Variants in NEK4 observed in about 807,000 individuals in gnomAD.
NEK4 encodes NIMA related kinase 4.
NEK4 carries 86 observed loss-of-function variants against 98.4 expected under a neutral mutation model. The observed-to-expected ratio is 0.87, with a 90% confidence interval of 0.73 to 1.05. NEK4 has a LOEUF of 1.05. Among genes scored for constraint, NEK4 ranks in the 50% least tolerant of loss-of-function variants. NEK4 has a pLI of 0.00. For synonymous variants in NEK4, 328 were observed against 342.2 expected, an observed-to-expected ratio of 0.96 and a Z score of 0.46; for missense variants, 898 against 950.3, an observed-to-expected ratio of 0.94 and a Z score of 0.72.
intron 5 of NEK4, among the ~76,000 whole-genome samples, chr3:52,762,370 T>A (rs186892674): frequency 5.9e-5 from 9 of 152,320 alleles, no homozygotes; most frequent in Non-Finnish European, 7.3e-5. Flanking sequence ...CCTCTTTTTT[T>A]TTATTATTAT....
chr3:52,724,272 AAAAGAC>A (rs963356844), intron 15 of NEK4, among the ~76,000 whole-genome samples: 7 of 110,288 alleles, frequency 6.3e-5, no homozygotes, highest in Admixed American at 3.7e-4. Flanking sequence ...CAAAACTGTC[AAAAGAC>A]AAAGACAAAG....
At position 52,728,050 on chromosome 3, in the gene NEK4, T is replaced by C. The variant is rs768368184; in HGVS notation, c.2433+9536A>G. On this transcript the variant is annotated intron_variant, in intron 15 of 15. Transcript: ENST00000233027. ...GAGTTCCAGACCAGCCTGGGCAATA[T>C]AGACAGACCTTGTTTCTACAAAAAA... Among the ~76,000 whole-genome samples, 7 of 152,196 alleles carry C rather than the reference T, an allele frequency of 4.6e-5. No homozygotes were observed. In the South Asian group the frequency reaches 6.2e-4, roughly 14 times the overall value.
At position 52,739,623 on chromosome 3, in the gene NEK4, GTCT is replaced by G; in HGVS notation, c.2102_2104del (p.Gln701_Thr702delinsPro). The G allele has an allele frequency of 6.2e-7, 1 of 1,613,080 alleles. No homozygotes were observed. Among genetic ancestry groups the G allele is most frequent in the Non-Finnish European group, 8.5e-7 (1 of 1,179,188 alleles). On this transcript the variant is annotated inframe_deletion, in exon 14 of 16. Coordinates refer to ENST00000233027, the MANE Select transcript of NEK4 (RefSeq NM_003157.6). The stretch of plus-strand genomic sequence containing the variant: ...TTGTACCAAGGCATTAATTTCATTT[GTCT>G]GACCTTTCCTGGGGGAAAAAAATAT...
At chr3:52,719,387 C>G (rs1361060807) in intron 15 of NEK4, among the ~76,000 whole-genome samples, 8 of 152,046 alleles carry the variant, frequency 5.3e-5, no homozygotes, top group Admixed American at 3.3e-4. Context: ...AGTACAAGAC[C>G]AGCCTGACCA....
chr3:52,751,731 C>T (rs750600061), intron 7 of NEK4, among the ~76,000 whole-genome samples: 23 of 152,062 alleles, frequency 1.5e-4, no homozygotes, highest in Non-Finnish European at 2.6e-4. Context: ...AATGTTGCCA[C>T]GAGTTGTGGG....
At chr3:52,743,537 A>G in intron 11 of NEK4, 76 bp from the exon 12 acceptor site, 2 of 1,097,556 alleles carry the variant, frequency 1.8e-6, no homozygotes. Flanking sequence ...TTTGGTATGG[A>G]ACATACCCCA....
At chr3:52,731,936 A>G (rs2097370131) in intron 15 of NEK4, among the ~76,000 whole-genome samples, 1 of 152,070 alleles carries the variant, frequency 6.6e-6, no homozygotes, top group Non-Finnish European at 1.5e-5. Flanking sequence ...GTCTCACGAG[A>G]TCTGACGGTT....
intron 12 of NEK4, among the ~76,000 whole-genome samples, chr3:52,742,849 G>C (rs1412464426): frequency 1.3e-5 from 2 of 152,128 alleles, no homozygotes; most frequent in African/African-American, 4.8e-5. Context: ...AAGCACAGTG[G>C]TGTGAACACA....
intron 7 of NEK4, among the ~76,000 whole-genome samples, chr3:52,751,176 C>A (rs1348072325): frequency 2.0e-5 from 3 of 152,098 alleles, no homozygotes; most frequent in African/African-American, 7.2e-5. Context: ...CGGGCATCGG[C>A]CGAGTGCGGT....
intron 15 of NEK4, among the ~76,000 whole-genome samples, chr3:52,712,908 T>A (rs901298891): frequency 2.0e-5 from 3 of 152,148 alleles, no homozygotes; most frequent in Non-Finnish European, 4.4e-5. Flanking sequence ...TCTCCGGGGT[T>A]TTTATAGGCA....
At chr3:52,724,229 T>TG (rs2097362486) in intron 15 of NEK4, among the ~76,000 whole-genome samples, 1 of 72,836 alleles carries the variant, frequency 1.4e-5, no homozygotes, top group Non-Finnish European at 2.9e-5. Context: ...GACTTTGTCT[T>TG]AAAACACACA....
chr3:52,735,248 C>A (rs2097374308), intron 15 of NEK4, among the ~76,000 whole-genome samples: 1 of 152,206 alleles, frequency 6.6e-6, no homozygotes, highest in Admixed American at 6.5e-5. Context: ...CAGTTATCTT[C>A]AAAAACATCA....
At position 52,741,499 on chromosome 3, in the gene NEK4, C is replaced by G. The variant is rs2097386166; in HGVS notation, c.2005G>C (p.Glu669Gln). The stretch of plus-strand genomic sequence containing the variant: ...GACAGACAATGAATCTGTTTCCTTT[C>G]CTATTAAATGTTTGGAAGAATTAAA... Reference protein sequence around the residue: ...RLSSDCSVTQERKQIHCLSED... With the variant: ...RLSSDCSVTQQRKQIHCLSED... Residue 669 changes from glutamate (E) to glutamine (Q), a missense_variant and splice_region_variant, in exon 13 of 16, where the codon GAA becomes CAA. By Grantham distance (29) the Glu-to-Gln change is conservative. Transcript: ENST00000233027. The G allele has an allele frequency of 6.3e-7, 1 of 1,588,674 alleles. No homozygotes were observed. The highest frequency in any genetic ancestry group is 1.3e-5 in the African/African-American group (1 of 74,402).
chr3:52,709,898 G>A lies in NEK4; in HGVS notation c.*1879C>T, dbSNP rs1473287620. 1.3e-5 allele frequency: 2 copies of A among 152,162 alleles called. No homozygotes were observed. The highest frequency in any genetic ancestry group is 4.8e-5 in the African/African-American group (2 of 41,426). The allele number at this position is 152,162 out of a possible 1,614,324, so 9.4% of individuals were successfully genotyped here. On this transcript the variant is annotated 3_prime_UTR_variant, in exon 16 of 16. Transcript: ENST00000233027. ...AAAGATTTGTTCCCAACTGGGCATT[G>A]GGACTTGATGGTTTTGCAAGTTGAG...
Position 52,741,403 on chromosome 3 carries a change from G to A in NEK4, c.2093+8C>T, listed in dbSNP as rs756680268. ...TTTATAAAGGGAGACAGAAAAACAA[G>A]AACTTACCCTTCCCCGTAATCCCCA... On this transcript the variant is annotated splice_region_variant and intron_variant, in intron 13 of 15. Transcript: ENST00000233027. The A allele has an allele frequency of 4.5e-6, 7 of 1,552,770 alleles. No individual in the cohort carries two copies. In the African/African-American group the frequency reaches 9.5e-5, roughly 21 times the overall value.
chr3:52,727,616 G>A (rs2097365733), intron 15 of NEK4, among the ~76,000 whole-genome samples: 2 of 152,150 alleles, frequency 1.3e-5, no homozygotes, highest in Non-Finnish European at 1.5e-5. Context: ...GGGATCACAG[G>A]TGCCCAACAC....
intron 15 of NEK4, among the ~76,000 whole-genome samples, chr3:52,720,191 A>T (rs2154102151): frequency 6.6e-6 from 1 of 152,176 alleles, no homozygotes; most frequent in East Asian, 1.9e-4. Flanking sequence ...GCTGAAGCAG[A>T]TGAGTAGCTA....
intron 15 of NEK4, chr3:52,732,616 A>G (rs2097370962): frequency 2.0e-5 from 6 of 304,838 alleles, no homozygotes; most frequent in East Asian, 9.1e-5. Flanking sequence ...GGATGTGGCT[A>G]CAGAATTCTC....
intron 12 of NEK4, among the ~76,000 whole-genome samples, chr3:52,742,150 T>C (rs1291671770): frequency 6.6e-6 from 1 of 152,232 alleles, no homozygotes; most frequent in Non-Finnish European, 1.5e-5. Flanking sequence ...GGATGGCTAG[T>C]TCTGGTTTAT....
Sources: allele counts gnomAD v4.1 joint callset (sites outside exome capture counted in the v4.1 genomes callset), GRCh38; gene constraint gnomAD v4.1.1; transcripts MANE v1.5; gene names NCBI Gene and HGNC (gene_info 2026-07-23, HGNC 2026-07-21).